CLDN1: variants seen among roughly 807,000 people sequenced by gnomAD.
CLDN1 encodes claudin-1.
Under a neutral mutation model 22.6 loss-of-function variants are expected in CLDN1, and 12 were observed. The observed-to-expected ratio is 0.53, with a 90% CI of 0.34 to 0.86. CLDN1 has a LOEUF of 0.86. Among genes scored for constraint, CLDN1 ranks in the 40% least tolerant of loss-of-function variants. CLDN1 has a pLI of 0.02. For synonymous variants in CLDN1, 99 were observed against 103.8 expected, an observed-to-expected ratio of 0.95 and a Z score of 0.28; for missense variants, 250 against 269.5, an observed-to-expected ratio of 0.93 and a Z score of 0.51.
intron 1 of CLDN1, among the ~76,000 whole-genome samples, chr3:190,313,866 C>T (rs1281410761): frequency 6.6e-6 from 1 of 152,136 alleles, no homozygotes; most frequent in Non-Finnish European, 1.5e-5. Context: ...GACATTATCA[C>T]TATGTTTCTT....
At chr3:190,312,142 G>T (rs1218278719) in intron 2 of CLDN1, among the ~76,000 whole-genome samples, 1 of 151,686 alleles carries the variant, frequency 6.6e-6, no homozygotes, top group Non-Finnish European at 1.5e-5. Flanking sequence ...TGTTGGCCAG[G>T]CTGGTCTTGA....
At position 190,322,278 on chromosome 3, in the gene CLDN1, C is replaced by T; in HGVS notation, c.-72G>A. 1 of 1,362,814 alleles carries T rather than the reference C, an allele frequency of 7.3e-7. No individual in the cohort carries two copies. Among genetic ancestry groups the T allele is most frequent in the Non-Finnish European group, 1.0e-6 (1 of 967,120 alleles). The allele number at this position is 1,362,814 out of a possible 1,614,324, so 84.4% of individuals were successfully genotyped here. ...GGCGGAGAGTTTGCAGGTGGGCAAC[C>T]CGGACTCCCGAAGGTGGCTGGGCCC... On this transcript the variant is annotated 5_prime_UTR_variant, in exon 1 of 4. Transcript: ENST00000295522.
intron 2 of CLDN1, among the ~76,000 whole-genome samples, chr3:190,311,173 G>C (rs73190598): frequency 6.6e-6 from 1 of 152,122 alleles, no homozygotes; most frequent in Non-Finnish European, 1.5e-5. Context: ...ACTCCTAAGA[G>C]AAGTCCCTGA....
intron 1 of CLDN1, among the ~76,000 whole-genome samples, chr3:190,318,073 C>G (rs779082180): frequency 6.6e-6 from 1 of 152,146 alleles, no homozygotes; most frequent in Non-Finnish European, 1.5e-5. Flanking sequence ...TTTACTTTTA[C>G]GGAAGTTCAA....
chr3:190,321,606 C>A (rs1716923479), intron 1 of CLDN1, among the ~76,000 whole-genome samples: 1 of 152,258 alleles, frequency 6.6e-6, no homozygotes, highest in African/African-American at 2.4e-5. Flanking sequence ...TCAGTCATCC[C>A]ATTTTCTTGT....
At chr3:190,317,130 T>C (rs1327014464) in intron 1 of CLDN1, among the ~76,000 whole-genome samples, 1 of 152,208 alleles carries the variant, frequency 6.6e-6, no homozygotes, top group Non-Finnish European at 1.5e-5. Flanking sequence ...AGCCTTGCAA[T>C]ATTAACTTTG....
intron 1 of CLDN1, among the ~76,000 whole-genome samples, chr3:190,315,822 T>C (rs1716750440): frequency 6.6e-6 from 1 of 152,024 alleles, no homozygotes; most frequent in Non-Finnish European, 1.5e-5. Flanking sequence ...GATCGCAGAG[T>C]AGTCTTCAAG....
At position 190,313,046 on chromosome 3, in the gene CLDN1, A is replaced by C; in HGVS notation, c.224-10T>G. On this transcript the variant is annotated splice_polypyrimidine_tract_variant and intron_variant, in intron 1 of 3. Transcript: ENST00000295522. ...GTTGCTTGCAATGTGCCTGGCAGAAAACATTTTAAAACATGTAAAAATATG... is the reference window on the plus strand; with the variant it reads ...GTTGCTTGCAATGTGCCTGGCAGAACACATTTTAAAACATGTAAAAATATG... The C allele has an allele frequency of 6.2e-7, 1 of 1,614,136 alleles. No homozygotes were observed. Among genetic ancestry groups the C allele is most frequent in the Non-Finnish European group, 8.5e-7 (1 of 1,180,002 alleles).
chr3:190,306,259 A>T lies in CLDN1; in HGVS notation c.*2018T>A, dbSNP rs1453820218. ...CTTCCCATTACATCTGTTTAGCCACAGAAAGCATCGGGCCATACTCACTGC... is the reference window on the plus strand; with the variant it reads ...CTTCCCATTACATCTGTTTAGCCACTGAAAGCATCGGGCCATACTCACTGC... On this transcript the variant is annotated 3_prime_UTR_variant, in exon 4 of 4. Transcript: ENST00000295522. 6.6e-6 allele frequency: 1 copy of T among 152,236 alleles called. No homozygotes were observed. The highest frequency in any genetic ancestry group is 1.5e-5 in the Non-Finnish European group (1 of 68,042). The allele number at this position is 152,236 out of a possible 1,614,324, so 9.4% of individuals were successfully genotyped here.
intron 1 of CLDN1, among the ~76,000 whole-genome samples, chr3:190,318,405 G>T (rs1577391776): frequency 6.6e-6 from 1 of 152,240 alleles, no homozygotes; most frequent in East Asian, 1.9e-4. Context: ...AAGAATTCTG[G>T]CACTGGAAGG....
intron 1 of CLDN1, among the ~76,000 whole-genome samples, chr3:190,320,232 T>C (rs1716882903): frequency 6.6e-6 from 1 of 152,238 alleles, no homozygotes; most frequent in Non-Finnish European, 1.5e-5. Flanking sequence ...TTTGGTCATT[T>C]CAGGAAGTTA....
intron 3 of CLDN1, among the ~76,000 whole-genome samples, chr3:190,309,868 A>G (rs1446900651): frequency 6.6e-6 from 1 of 152,238 alleles, no homozygotes; most frequent in African/African-American, 2.4e-5. Context: ...GGAAATTTCA[A>G]ATATATTAAC....
In CLDN1 at chr3:190,310,160, T is replaced by G. The variant is rs1403750319; in HGVS notation, c.473+9A>C. On this transcript the variant is annotated intron_variant, in intron 3 of 3. Transcript: ENST00000295522. ...GAAAACAAACTATTTTACGCCTGAA[T>G]AGCGTTACCTGGCATTGACTGGGGT... 1.2e-6 allele frequency: 2 copies of G among 1,609,750 alleles called. No individual in the cohort carries two copies. Among genetic ancestry groups the G allele is most frequent in the Non-Finnish European group, 1.7e-6 (2 of 1,176,086 alleles).
Position 190,312,998 on chromosome 3 carries a change from T to C in CLDN1, c.262A>G (p.Ile88Val). 6.2e-7 allele frequency: 1 copy of C among 1,614,156 alleles called. No homozygotes were observed. Among genetic ancestry groups the C allele is most frequent in the South Asian group, 1.1e-5 (1 of 91,080 alleles). Residue 88 changes from isoleucine to valine, a missense_variant, in exon 2 of 4, where the codon ATC becomes GTC. Coordinates refer to ENST00000295522, the MANE Select transcript of CLDN1 (RefSeq NM_021101.5). ...QATRALMVVG[I>V]LLGVIAIFVA... ...AAGATTGCTATCACTCCCAGGAGGA[T>C]GCCAACCACCATCAAGGCACGGGTT...
At chr3:190,320,982 T>C (rs1018271560) in intron 1 of CLDN1, among the ~76,000 whole-genome samples, 1 of 152,136 alleles carries the variant, frequency 6.6e-6, no homozygotes, top group Non-Finnish European at 1.5e-5. Flanking sequence ...GTAAAACAAT[T>C]ATCCTATTAT....
At chr3:190,318,745 G>A (rs1224506082) in intron 1 of CLDN1, among the ~76,000 whole-genome samples, 2 of 152,190 alleles carry the variant, frequency 1.3e-5, no homozygotes, top group Non-Finnish European at 2.9e-5. Flanking sequence ...CGGTTCAGCA[G>A]GCACAACGCA....
At chr3:190,313,142 G>T in intron 1 of CLDN1, 106 bp from the exon 2 acceptor site, 1 of 1,334,814 alleles carries the variant, frequency 7.5e-7, no homozygotes, top group Non-Finnish European at 1.1e-6. Context: ...GAGAAAACTG[G>T]ACTAGGAATC....
chr3:190,313,844 G>A (rs1242043771), intron 1 of CLDN1, among the ~76,000 whole-genome samples: 1 of 151,942 alleles, frequency 6.6e-6, no homozygotes, highest in African/African-American at 2.4e-5. Flanking sequence ...AAATAAACAG[G>A]GTCAAGTTTG....
intron 2 of CLDN1, 130 bp from the exon 3 acceptor site, chr3:190,310,383 A>G (rs1716580493): frequency 1.5e-6 from 1 of 666,878 alleles, no homozygotes; most frequent in Non-Finnish European, 2.6e-6. Context: ...TTATTTTGGT[A>G]TTAGGGAGAT....
Sources: allele counts gnomAD v4.1 joint callset (sites outside exome capture counted in the v4.1 genomes callset), GRCh38; gene constraint gnomAD v4.1.1; transcripts MANE v1.5; gene names NCBI Gene and HGNC (gene_info 2026-07-23, HGNC 2026-07-21).